ANTXR2: variants seen among roughly 807,000 people sequenced by gnomAD.
ANTXR2 encodes the protein ANTXR cell adhesion molecule 2.
A neutral mutation model predicts 73.7 loss-of-function variants in ANTXR2; 44 were observed. The observed-to-expected ratio is 0.60, with a 90% CI of 0.47 to 0.77. The LOEUF is 0.77. ANTXR2 is among the 30% of genes least tolerant of loss of function. ANTXR2 has a pLI of 0.00. For synonymous variants in ANTXR2, 217 were observed against 205.9 expected (o/e 1.05, Z -0.46); for missense variants, 604 against 592.5 (o/e 1.02, Z -0.20).
chr4:80,012,446 G>A (rs1419438246), intron 11 of ANTXR2, among the ~76,000 whole-genome samples: 1 of 151,872 alleles, frequency 6.6e-6, no homozygotes, highest in Non-Finnish European at 1.5e-5. Context: ...ACAGCCATTT[G>A]TTTATATAAT....
intron 16 of ANTXR2, among the ~76,000 whole-genome samples, chr4:79,950,819 T>C (rs919519360): frequency 6.6e-6 from 1 of 152,078 alleles, no homozygotes; most frequent in African/African-American, 2.4e-5. Context: ...TACTGAGCAT[T>C]TCCAGTATTT....
intron 8 of ANTXR2, among the ~76,000 whole-genome samples, 178 bp downstream of exon 8, chr4:80,035,793 TA>T (rs764356907): frequency 1.6e-4 from 24 of 152,102 alleles, no homozygotes; most frequent in Non-Finnish European, 3.1e-4. Flanking sequence ...ATTCCAATCT[TA>T]AAAATTTGAA....
chr4:79,936,041 A>C, intron 16 of ANTXR2, among the ~76,000 whole-genome samples: 1 of 152,216 alleles, frequency 6.6e-6, no homozygotes, highest in East Asian at 1.9e-4. Flanking sequence ...AGTTGTAAAA[A>C]AATGGAATTA....
chr4:79,959,531 A>G (rs1424461809), intron 16 of ANTXR2, among the ~76,000 whole-genome samples: 1 of 152,204 alleles, frequency 6.6e-6, no homozygotes, highest in Non-Finnish European at 1.5e-5. Context: ...CATGCATATC[A>G]CAGGGTAATT....
In ANTXR2 at chr4:79,984,746, G is replaced by C. The variant is rs1013455743; in HGVS notation, c.1086+73C>G. 10 of 1,281,360 alleles carry C rather than the reference G, an allele frequency of 7.8e-6. No individual in the cohort carries two copies. The Admixed American group carries it at 1.8e-4, about 22-fold the overall frequency. 79.4% of individuals were successfully genotyped at this position (1,281,360 alleles called of 1,614,324 possible). A position where few individuals can be genotyped will look rare whatever the true frequency, so the allele number is the denominator to read the frequency against. ...TCATAGTTATCTAACAGACAAAATT[G>C]ATTAAATTTGGGCATGGTATCTGCA... On this transcript the variant is annotated intron_variant, in intron 13 of 16. Coordinates refer to ENST00000403729, the MANE Select transcript of ANTXR2 (RefSeq NM_058172.6).
intron 16 of ANTXR2, among the ~76,000 whole-genome samples, chr4:79,960,171 G>A (rs1481083170): frequency 1.3e-5 from 2 of 152,090 alleles, no homozygotes; most frequent in Admixed American, 6.5e-5. Flanking sequence ...ATAAAATAAA[G>A]TGAATTCATA....
chr4:79,952,182 T>C (rs1363804575), intron 16 of ANTXR2, among the ~76,000 whole-genome samples: 1 of 150,390 alleles, frequency 6.6e-6, no homozygotes, highest in Non-Finnish European at 1.5e-5. Context: ...AACTATTTGC[T>C]GTTTATATAT....
Position 80,046,581 on chromosome 4 carries a change from T to C in ANTXR2, c.636+7691A>G, listed in dbSNP as rs1001679056. 3.9e-5 allele frequency among the ~76,000 whole-genome samples: 6 copies of C among 151,960 alleles called. 1 individual carries two copies. The South Asian group carries it at 1.2e-3, about 31-fold the overall frequency. Reference sequence around the variant, plus strand: ...GTATTAGCCTTATTTGCCCACTTTCTTGTTTTACTAAGACATGAAGTATAT... The same window carrying C: ...GTATTAGCCTTATTTGCCCACTTTCCTGTTTTACTAAGACATGAAGTATAT... On this transcript the variant is annotated intron_variant, in intron 7 of 16. Coordinates refer to ENST00000403729, the MANE Select transcript of ANTXR2 (RefSeq NM_058172.6).
chr4:79,954,383 G>A (rs1023988703), intron 16 of ANTXR2, among the ~76,000 whole-genome samples: 6 of 152,122 alleles, frequency 3.9e-5, no homozygotes, highest in African/African-American at 1.4e-4. Context: ...ATTTTACTGT[G>A]AGATGTTTTG....
intron 10 of ANTXR2, 141 bp downstream of exon 10, chr4:80,031,477 CTAAGT>C (rs972769270): frequency 9.5e-5 from 52 of 548,772 alleles, no homozygotes; most frequent in Non-Finnish European, 1.3e-4. Flanking sequence ...TTGCCTAGTA[CTAAGT>C]TAAGTGGCTT....
At chr4:79,984,796 C>T (rs1362696027) in intron 13 of ANTXR2, 23 bp downstream of exon 13, 4 of 1,595,004 alleles carry the variant, frequency 2.5e-6, no homozygotes, top group Non-Finnish European at 3.4e-6. Flanking sequence ...ACAGCCATAT[C>T]AGTTTTTTAG....
At chr4:80,047,455 A>G (rs2110099525) in intron 7 of ANTXR2, among the ~76,000 whole-genome samples, 1 of 151,744 alleles carries the variant, frequency 6.6e-6, no homozygotes, top group East Asian at 2.0e-4. Context: ...TACCCTGGAC[A>G]CTTTTGCACC....
chr4:79,953,286 A>C (rs1057045581), intron 16 of ANTXR2, among the ~76,000 whole-genome samples: 2 of 146,790 alleles, frequency 1.4e-5, no homozygotes, highest in Admixed American at 1.3e-4. Flanking sequence ...TTTTGGGCAC[A>C]CTATTTTCAG....
chr4:80,062,357 T>C (rs1447137118), intron 3 of ANTXR2, among the ~76,000 whole-genome samples: 3 of 152,220 alleles, frequency 2.0e-5, no homozygotes, highest in Non-Finnish European at 4.4e-5. Context: ...TCCCACTCAC[T>C]GCCTTACTAA....
chr4:79,956,853 A>G (rs1258849630), intron 16 of ANTXR2, among the ~76,000 whole-genome samples: 2 of 152,098 alleles, frequency 1.3e-5, no homozygotes, highest in Non-Finnish European at 2.9e-5. Context: ...GCAAGGAAGG[A>G]GACCCCGGGC....
intron 11 of ANTXR2, among the ~76,000 whole-genome samples, chr4:80,011,583 C>A (rs1378345857): frequency 6.6e-6 from 1 of 152,134 alleles, no homozygotes; most frequent in Non-Finnish European, 1.5e-5. Flanking sequence ...AACTGAGAAG[C>A]TTCTAGTTTC....
chr4:79,990,489 A>G (rs1730417808), intron 12 of ANTXR2, among the ~76,000 whole-genome samples: 1 of 152,106 alleles, frequency 6.6e-6, no homozygotes, highest in African/African-American at 2.4e-5. Flanking sequence ...GAGATAACAA[A>G]AACAAATGAA....
At chr4:79,999,161 T>A (rs999875051) in intron 12 of ANTXR2, among the ~76,000 whole-genome samples, 1 of 152,006 alleles carries the variant, frequency 6.6e-6, no homozygotes, top group Non-Finnish European at 1.5e-5. Flanking sequence ...CTTGATATGG[T>A]TTGGCTCTTT....
intron 16 of ANTXR2, among the ~76,000 whole-genome samples, chr4:79,957,672 T>G (rs186394514): frequency 6.6e-6 from 1 of 152,074 alleles, no homozygotes. Context: ...AATCATACTT[T>G]TGAAGTTTAG....
Sources: allele counts gnomAD v4.1 joint callset (sites outside exome capture counted in the v4.1 genomes callset), GRCh38; gene constraint gnomAD v4.1.1; transcripts MANE v1.5; gene names NCBI Gene and HGNC (gene_info 2026-07-23, HGNC 2026-07-21).